IL7: variants seen among roughly 807,000 people sequenced by gnomAD.
IL7 encodes the protein interleukin-7.
IL7 carries 3 observed loss-of-function variants against 21.6 expected under a neutral mutation model. The ratio of observed to expected loss-of-function variants is 0.14; its 90% CI spans 0.06 to 0.36. IL7 has a LOEUF of 0.36. Among genes scored for constraint, IL7 ranks in the 10% least tolerant of loss-of-function variants. The probability of loss-of-function intolerance (pLI) is 1.00; values close to 1 mark genes in which losing one functional copy is unlikely to be tolerated. For synonymous variants in IL7, 62 were observed against 68.1 expected (o/e 0.91, Z 0.44); for missense variants, 175 against 200.2 (o/e 0.87, Z 0.76).
At chr8:78,743,982 G>T (rs1241062291) in intron 2 of IL7, among the ~76,000 whole-genome samples, 1 of 152,128 alleles carries the variant, frequency 6.6e-6, no homozygotes, top group Non-Finnish European at 1.5e-5. Context: ...AGGGAGGTAT[G>T]AACCTGTTGC....
At chr8:78,686,872 T>A (rs1490721945) in intron 3 of IL7, among the ~76,000 whole-genome samples, 9 of 152,102 alleles carry the variant, frequency 5.9e-5, no homozygotes, top group Admixed American at 5.9e-4. Context: ...ATTATTATAG[T>A]AACTATTAAA....
chr8:78,761,272 C>G (rs1405420737), intron 2 of IL7: 2 of 1,607,786 alleles, frequency 1.2e-6, no homozygotes, highest in African/African-American at 2.7e-5. Context: ...AACAAACTTC[C>G]TCGATTGTTC....
downstream of IL7, among the ~76,000 whole-genome samples, chr8:78,716,511 C>T (rs956279390): frequency 2.0e-5 from 3 of 152,028 alleles, no homozygotes; most frequent in Non-Finnish European, 2.9e-5. Flanking sequence ...AATTTAATAT[C>T]ATTAAATAAT....
chr8:78,778,449 A>T (rs1458814662), intron 2 of IL7, among the ~76,000 whole-genome samples: 1 of 152,062 alleles, frequency 6.6e-6, no homozygotes, highest in African/African-American at 2.4e-5. Context: ...CAGATGCTTA[A>T]TAAATGTTTA....
chr8:78,684,836 T>G (rs1809911839), intron 4 of IL7, among the ~76,000 whole-genome samples: 1 of 152,276 alleles, frequency 6.6e-6, no homozygotes, highest in South Asian at 2.1e-4. Flanking sequence ...AAAAAAATAC[T>G]ACTGAAAGAT....
intron 2 of IL7, among the ~76,000 whole-genome samples, chr8:78,748,098 G>A (rs553375370): frequency 7.9e-5 from 12 of 152,316 alleles, no homozygotes; most frequent in South Asian, 4.1e-4. Context: ...GAACTGGTTT[G>A]ACATAAAGCC....
chr8:78,705,306 G>C (rs919318629), intron 3 of IL7, among the ~76,000 whole-genome samples: 2 of 152,038 alleles, frequency 1.3e-5, no homozygotes, highest in Non-Finnish European at 2.9e-5. Context: ...TTGTTTTTTT[G>C]AACAACTCTG....
In IL7 at chr8:78,738,398, A is replaced by G. The variant is rs973823802; in HGVS notation, c.360+106T>C. 43 of 963,730 alleles carry G rather than the reference A, an allele frequency of 4.5e-5. No homozygotes were observed. In the South Asian group the frequency reaches 5.3e-4, roughly 12 times the overall value. 59.7% of individuals were successfully genotyped at this position (963,730 alleles called of 1,614,324 possible). A position where few individuals can be genotyped will look rare whatever the true frequency, so the allele number is the denominator to read the frequency against. ...ACATACTTCAACTTTAGATGATAAT[A>G]AACACTTAGGATTCTATGATAATGG... On this transcript the variant is annotated intron_variant, in intron 4 of 5. Transcript: ENST00000263851.
intron 3 of IL7, among the ~76,000 whole-genome samples, chr8:78,694,582 T>G (rs1810336588): frequency 6.6e-6 from 1 of 152,198 alleles, no homozygotes; most frequent in Non-Finnish European, 1.5e-5. Flanking sequence ...GCCTGGAAAT[T>G]TCTTTTCCTC....
intron 2 of IL7, among the ~76,000 whole-genome samples, chr8:78,792,946 C>G (rs1431528272): frequency 6.6e-6 from 1 of 152,070 alleles, no homozygotes; most frequent in Non-Finnish European, 1.5e-5. Context: ...TGTATAAAAA[C>G]TTGCATAGCC....
chr8:78,732,468 G>A (rs1239828799), downstream of IL7, among the ~76,000 whole-genome samples: 2 of 152,110 alleles, frequency 1.3e-5, no homozygotes, highest in Non-Finnish European at 2.9e-5. Context: ...TGGTGATGAG[G>A]CTGAGAGAGC....
rs991953073 is a variant in IL7 at position 78,772,590 on chromosome 8, G to T, written c.147+25482C>A. On this transcript the variant is annotated intron_variant, in intron 2 of 5. Transcript: ENST00000263851. ...TCACGGATAGGTTCTTGGAAACTGC[G>T]ACTTTAAGTAAACTGTTGTACAAAG... 5.3e-5 allele frequency among the ~76,000 whole-genome samples: 8 copies of T among 152,154 alleles called. No homozygotes were observed. The East Asian group carries it at 1.5e-3, about 29-fold the overall frequency.
chr8:78,744,074 C>A (rs139644973), intron 2 of IL7, among the ~76,000 whole-genome samples: 74 of 150,506 alleles, frequency 4.9e-4, no homozygotes, highest in African/African-American at 1.8e-3. Context: ...GATTGGGGAC[C>A]CACTTATAGA....
chr8:78,794,914 C>A (rs1021551456), intron 2 of IL7, among the ~76,000 whole-genome samples: 1 of 152,076 alleles, frequency 6.6e-6, no homozygotes. Flanking sequence ...ACATCACCTA[C>A]ACAAATGGGT....
intron 4 of IL7, among the ~76,000 whole-genome samples, chr8:78,681,614 T>C (rs1257893303): frequency 6.6e-6 from 1 of 152,192 alleles, no homozygotes; most frequent in East Asian, 1.9e-4. Flanking sequence ...TTGTGTAATA[T>C]TGATGCTAGA....
In IL7 at chr8:78,704,220, T is replaced by TA. The variant is rs903702675; in HGVS notation, n.214+17127dup. ...AATGTGGTGAAAGCCTGTCTCTATT[T>TA]AAAAAAAAAATACAAAAATTAGCCG... On this transcript the variant is annotated intron_variant and non_coding_transcript_variant, in intron 3 of 4. Transcript: ENST00000523959. 9.0e-3 allele frequency among the ~76,000 whole-genome samples: 1,335 copies of TA among 148,916 alleles called. 25 individuals are homozygous for TA. Among genetic ancestry groups the TA allele is most frequent in the African/African-American group, 0.031 (1,239 of 40,622 alleles).
intron 3 of IL7, among the ~76,000 whole-genome samples, chr8:78,712,504 G>A (rs976806801): frequency 1.3e-5 from 2 of 152,176 alleles, no homozygotes; most frequent in African/African-American, 2.4e-5. Flanking sequence ...TAGATAAGCC[G>A]ATGGTGAACT....
intron 3 of IL7, among the ~76,000 whole-genome samples, chr8:78,726,703 C>G (rs1028408274): frequency 2.0e-5 from 3 of 151,906 alleles, no homozygotes; most frequent in Non-Finnish European, 4.4e-5. Context: ...AGACTTTCCT[C>G]CCCCACCTGA....
chr8:78,805,292 G>A lies in IL7; in HGVS notation c.-370C>T, dbSNP rs765447431. The A allele has an allele frequency of 5.6e-5, 11 of 195,968 alleles. No homozygotes were observed. Among genetic ancestry groups the A allele is most frequent in the Non-Finnish European group, 7.2e-5 (7 of 96,758 alleles). The allele number at this position is 195,968 out of a possible 1,614,324, so 12.1% of individuals were successfully genotyped here. A position where few individuals can be genotyped will look rare whatever the true frequency, so the allele number is the denominator to read the frequency against. On this transcript the variant is annotated 5_prime_UTR_variant, in exon 1 of 6. Transcript: ENST00000263851. ...ACCTGCTTCCCGCGCACCTGGATGA[G>A]GACCAGAGGAATTCGCGAATTTCCG...
Sources: allele counts gnomAD v4.1 joint callset (sites outside exome capture counted in the v4.1 genomes callset), GRCh38; gene constraint gnomAD v4.1.1; transcripts MANE v1.5; gene names NCBI Gene and HGNC (gene_info 2026-07-23, HGNC 2026-07-21).